Variants in AK5 observed in about 807,000 individuals in gnomAD.
AK5 encodes adenylate kinase isoenzyme 5.
A neutral mutation model predicts 69.5 loss-of-function variants in AK5; 27 were observed. That is an observed-to-expected ratio of 0.39 (90% CI 0.29 to 0.54). The LOEUF (loss-of-function observed/expected upper bound fraction) is 0.54, where lower values mean the gene tolerates loss of function less well. Among genes scored for constraint, AK5 ranks in the 20% least tolerant of loss-of-function variants. The pLI, the probability that AK5 is intolerant of heterozygous loss-of-function variation, is 0.71. For synonymous variants in AK5, 260 were observed against 244.4 expected, an observed-to-expected ratio of 1.06 and a Z score of -0.60; for missense variants, 531 against 700.4, an observed-to-expected ratio of 0.76 and a Z score of 2.73.
At chr1:77,536,958 G>T (rs1413499731) in intron 13 of AK5, among the ~76,000 whole-genome samples, 2 of 152,138 alleles carry the variant, frequency 1.3e-5, no homozygotes, top group Admixed American at 1.3e-4. Context: ...TGGGAAAACT[G>T]CCCAGTCCTC....
At chr1:77,528,710 T>G (rs1259658620) in intron 12 of AK5, among the ~76,000 whole-genome samples, 1 of 152,204 alleles carries the variant, frequency 6.6e-6, no homozygotes, top group African/African-American at 2.4e-5. Flanking sequence ...CATGTATGCA[T>G]GTAGATGTGT....
chr1:77,367,483 G>GT (rs202021729), intron 6 of AK5, among the ~76,000 whole-genome samples: 12 of 133,650 alleles, frequency 9.0e-5, no homozygotes, highest in East Asian at 2.2e-4. Context: ...CACCTGGCTA[G>GT]TTTTTTTTTG....
At chr1:77,360,856 A>G (rs1042331047) in intron 6 of AK5, among the ~76,000 whole-genome samples, 6 of 152,224 alleles carry the variant, frequency 3.9e-5, no homozygotes, top group African/African-American at 1.4e-4. Flanking sequence ...CAGGGATCAA[A>G]CATGAACAAG....
intron 5 of AK5, among the ~76,000 whole-genome samples, chr1:77,312,425 G>A (rs1350020328): frequency 1.3e-5 from 2 of 151,986 alleles, no homozygotes; most frequent in African/African-American, 2.4e-5. Flanking sequence ...GACCAGGCTG[G>A]CCAATATGGC....
At chr1:77,500,763 C>G (rs1365306471) in intron 10 of AK5, among the ~76,000 whole-genome samples, 2 of 152,158 alleles carry the variant, frequency 1.3e-5, no homozygotes, top group African/African-American at 2.4e-5. Context: ...GCCTGGGCAA[C>G]AGAGCGAGAC....
intron 1 of AK5, among the ~76,000 whole-genome samples, chr1:77,284,422 AACTG>A (rs1658235267): frequency 2.0e-5 from 3 of 152,224 alleles, no homozygotes; most frequent in Non-Finnish European, 4.4e-5. Context: ...ATTACAGACA[AACTG>A]ACTGATTATT....
Position 77,340,480 on chromosome 1 carries a change from T to A in AK5, c.803T>A (p.Val268Glu). 6.2e-7 allele frequency: 1 copy of A among 1,614,146 alleles called. No individual in the cohort carries two copies. Among genetic ancestry groups the A allele is most frequent in the Non-Finnish European group, 8.5e-7 (1 of 1,179,996 alleles). Residue 268 changes from valine (V) to glutamate (E), a missense_variant, in exon 6 of 14, where the codon GTA becomes GAA. Physicochemically the swap from Val to Glu is moderately radical, Grantham distance 121. Transcript: ENST00000354567. ...CAGCAGGGCCGACCAGACGACAATG[T>A]AAAAGCTACCCAAAGGAGACTAATG... is the stretch of plus-strand genomic sequence containing the variant. ...AEQQGRPDDN[V>E]KATQRRLMNF...
chr1:77,412,544 A>G (rs1650113279), intron 7 of AK5, among the ~76,000 whole-genome samples: 1 of 152,172 alleles, frequency 6.6e-6, no homozygotes, highest in South Asian at 2.1e-4. Context: ...GTAAACTAGA[A>G]GTAAATGGTG....
chr1:77,446,285 A>G (rs1652748554), intron 8 of AK5, among the ~76,000 whole-genome samples: 1 of 152,128 alleles, frequency 6.6e-6, no homozygotes, highest in Admixed American at 6.5e-5. Flanking sequence ...CCACTGGTCT[A>G]TATTTCTGTT....
chr1:77,323,633 C>T (rs1660644850), intron 5 of AK5, among the ~76,000 whole-genome samples: 1 of 152,080 alleles, frequency 6.6e-6, no homozygotes, highest in Non-Finnish European at 1.5e-5. Context: ...CAGGCCTTTC[C>T]ATATCTGAAC....
At chr1:77,367,551 TTATTTTTA>T (rs796957887) in intron 6 of AK5, among the ~76,000 whole-genome samples, 443 of 19,686 alleles carry the variant, frequency 0.023, 64 homozygotes, top group South Asian at 0.047. Context: ...CTCATTTATG[TTATTTTTA>T]TATATATATA....
At chr1:77,513,337 A>T (rs1347328731) in intron 10 of AK5, among the ~76,000 whole-genome samples, 1 of 152,112 alleles carries the variant, frequency 6.6e-6, no homozygotes, top group Non-Finnish European at 1.5e-5. Context: ...TGCTGTGATG[A>T]TGGTTCCCCT....
At chr1:77,427,406 T>A (rs1651284840) in intron 8 of AK5, among the ~76,000 whole-genome samples, 2 of 152,126 alleles carry the variant, frequency 1.3e-5, no homozygotes, top group South Asian at 2.1e-4. Context: ...AATGGACCAA[T>A]TCTTTGAAAG....
chr1:77,538,509 G>A (rs1659098042), intron 13 of AK5, among the ~76,000 whole-genome samples: 1 of 151,408 alleles, frequency 6.6e-6, no homozygotes, highest in Admixed American at 6.6e-5. Context: ...AAAAATCCTG[G>A]TGTGGTGGCG....
intron 5 of AK5, among the ~76,000 whole-genome samples, chr1:77,305,892 A>G (rs959616119): frequency 2.0e-5 from 3 of 151,880 alleles, no homozygotes; most frequent in Non-Finnish European, 4.4e-5. Context: ...TGTCATTGGT[A>G]TTTTGTTAGG....
intron 8 of AK5, among the ~76,000 whole-genome samples, chr1:77,429,106 G>T (rs1233442355): frequency 4.6e-5 from 7 of 151,990 alleles, no homozygotes; most frequent in East Asian, 3.9e-4. Context: ...TAATCCTTTG[G>T]GTATATACCC....
rs1369314999 is a variant in AK5, at chr1:77,558,637, T to TCAA, written c.1658_1660dup (p.Gln553dup). ...AGGGAACACCAGAGGACGTTTTTCT[T>TCAA]CAACTCTGCACAGCTATTGACTCTA... On this transcript the variant is annotated inframe_insertion, in exon 14 of 14. Transcript: ENST00000354567. 1.3e-6 allele frequency: 2 copies of TCAA among 1,595,376 alleles called. No individual in the cohort carries two copies. Among genetic ancestry groups the TCAA allele is most frequent in the African/African-American group, 1.4e-5 (1 of 73,536 alleles).
chr1:77,507,267 C>T (rs1657081787), intron 10 of AK5, among the ~76,000 whole-genome samples: 1 of 152,152 alleles, frequency 6.6e-6, no homozygotes, highest in African/African-American at 2.4e-5. Context: ...GTCTGATTTC[C>T]AGAAAGACAG....
intron 8 of AK5, among the ~76,000 whole-genome samples, chr1:77,422,285 C>G (rs1165361132): frequency 1.3e-5 from 2 of 152,208 alleles, no homozygotes; most frequent in Non-Finnish European, 2.9e-5. Context: ...GTCTCCTTCC[C>G]TCAGTCTGCT....
Sources: gnomAD v4.1 joint callset for allele counts (sites outside exome capture counted in the v4.1 genomes callset) on GRCh38, gnomAD v4.1.1 for gene constraint, MANE v1.5 for transcripts, NCBI Gene and HGNC (gene_info 2026-07-23, HGNC 2026-07-21) for gene names.